The following ABLIM1 variants were observed in gnomAD, a reference collection of about 807,000 sequenced individuals.
ABLIM1 encodes actin binding LIM protein 1, also known as actin-binding LIM protein 1.
A neutral mutation model predicts 107.0 loss-of-function variants in ABLIM1; 40 were observed. The ratio of observed to expected loss-of-function variants is 0.37; its 90% CI spans 0.29 to 0.49. ABLIM1 has a LOEUF of 0.49. ABLIM1 is among the 20% of genes least tolerant of loss of function. The pLI is 0.97. For missense variants in ABLIM1, 857 were observed against 1,008.5 expected (o/e 0.85, Z 2.04); for synonymous variants, 357 against 357.3 (o/e 1.00, Z 0.01).
chr10:114,681,119 A>G (rs779163660), intron 1 of ABLIM1, among the ~76,000 whole-genome samples: 4 of 152,228 alleles, frequency 2.6e-5, no homozygotes, highest in Non-Finnish European at 4.4e-5. Context: ...ACATTTAGCT[A>G]GTCATACAAC....
chr10:114,512,855 AGAAG>A (rs869261400), intron 6 of ABLIM1, among the ~76,000 whole-genome samples: 350 of 51,220 alleles, frequency 6.8e-3, no homozygotes, highest in Middle Eastern at 0.018. Flanking sequence ...AAGGAAGGAA[AGAAG>A]GAAGGAAGGA....
intron 1 of ABLIM1, among the ~76,000 whole-genome samples, chr10:114,691,817 C>G (rs1295641044): frequency 6.6e-6 from 1 of 151,848 alleles, no homozygotes; most frequent in Non-Finnish European, 1.5e-5. Context: ...CAAAATATTC[C>G]ACACATAGCT....
intron 6 of ABLIM1, among the ~76,000 whole-genome samples, chr10:114,520,877 T>C (rs1276213408): frequency 6.6e-6 from 1 of 152,042 alleles, no homozygotes; most frequent in African/African-American, 2.4e-5. Flanking sequence ...CTCAGGAGAC[T>C]GAGGCAGGGA....
the ABLIM1 span, among the ~76,000 whole-genome samples, chr10:114,788,270 A>G: frequency 1.4e-5 from 2 of 146,918 alleles, no homozygotes; most frequent in Non-Finnish European, 3.0e-5. Context: ...TCCCTCCACT[A>G]TTGTCCTGTG....
At chr10:114,608,396 G>A (rs2076570585) in intron 1 of ABLIM1, among the ~76,000 whole-genome samples, 1 of 151,770 alleles carries the variant, frequency 6.6e-6, no homozygotes, top group African/African-American at 2.4e-5. Context: ...ATGGCCGGGG[G>A]CAGTGGCTCA....
rs1480217205 is a variant in ABLIM1, at chr10:114,465,737, G to T, written c.1402C>A (p.Pro468Thr). 1 of 1,614,160 alleles carries T rather than the reference G, an allele frequency of 6.2e-7. No homozygotes were observed. The highest frequency in any genetic ancestry group is 2.2e-5 in the East Asian group (1 of 44,880). ...SPVYSRHSYT[P>T]TTSRSPQHFH... ...TGCTGGGGAGAGCGGGACGTGGTTG[G>T]AGTGTAGCTGTGGCGGCTGTACACA... Residue 468 changes from proline (P) to threonine (T), a missense_variant, in exon 12 of 23, where the codon CCA becomes ACA. Around this residue, in one of 5 missense-constraint regions of ABLIM1, gnomAD observed 381 missense variants for 506.9 expected, o/e 0.75. Coordinates refer to ENST00000533213, the MANE Select transcript of ABLIM1 (RefSeq NM_002313.7).
chr10:114,771,302 C>G (rs1336864290), upstream of ABLIM1, among the ~76,000 whole-genome samples: 5 of 152,138 alleles, frequency 3.3e-5, no homozygotes, highest in African/African-American at 1.2e-4. Context: ...AAAATTCACT[C>G]CTAGATGTAA....
intron 1 of ABLIM1, among the ~76,000 whole-genome samples, chr10:114,712,043 A>G (rs2081560396): frequency 6.6e-6 from 1 of 152,110 alleles, no homozygotes; most frequent in African/African-American, 2.4e-5. Flanking sequence ...GTGACAGGGA[A>G]AAGATTTTCA....
intron 1 of ABLIM1, among the ~76,000 whole-genome samples, chr10:114,656,546 G>A (rs748244998): frequency 2.0e-5 from 3 of 151,976 alleles, no homozygotes; most frequent in Non-Finnish European, 4.4e-5. Context: ...TGTGTGAGGT[G>A]AGCCACCCTC....
At chr10:114,574,773 C>T (rs1255636527) in intron 3 of ABLIM1, among the ~76,000 whole-genome samples, 1 of 152,134 alleles carries the variant, frequency 6.6e-6, no homozygotes, top group Non-Finnish European at 1.5e-5. Flanking sequence ...CTGGTTTGCA[C>T]AGTTAAGATA....
At chr10:114,616,146 G>T (rs2077118126) in intron 1 of ABLIM1, among the ~76,000 whole-genome samples, 1 of 152,028 alleles carries the variant, frequency 6.6e-6, no homozygotes, top group African/African-American at 2.4e-5. Context: ...CAGCTTGGGA[G>T]ACATAGCAAG....
At chr10:114,622,141 A>G (rs1395882394) in intron 1 of ABLIM1, among the ~76,000 whole-genome samples, 1 of 151,882 alleles carries the variant, frequency 6.6e-6, no homozygotes, top group Non-Finnish European at 1.5e-5. Flanking sequence ...CATAGCCCCT[A>G]TCATTTTTCC....
At chr10:114,760,455 G>A (rs1191945350) in intron 1 of ABLIM1, among the ~76,000 whole-genome samples, 1 of 135,348 alleles carries the variant, frequency 7.4e-6, no homozygotes, top group African/African-American at 2.8e-5. Flanking sequence ...CACACACACT[G>A]ACTTAGTGCT....
the ABLIM1 span, among the ~76,000 whole-genome samples, chr10:114,795,710 A>T: frequency 1.5e-5 from 2 of 131,796 alleles, no homozygotes; most frequent in African/African-American, 5.4e-5. Flanking sequence ...ACTCCATCTC[A>T]AAAAAAAAAA....
At chr10:114,445,249 C>A in intron 16 of ABLIM1, 63 bp downstream of exon 16, 1 of 1,466,766 alleles carries the variant, frequency 6.8e-7, no homozygotes, top group Non-Finnish European at 9.5e-7. Context: ...AGTAGTCATT[C>A]AAAAAATATA....
intron 4 of ABLIM1, among the ~76,000 whole-genome samples, chr10:114,565,908 CCTCAGCCTCCTGA>C (rs2138539158): frequency 6.7e-6 from 1 of 148,304 alleles, no homozygotes; most frequent in African/African-American, 2.5e-5. Flanking sequence ...CATCCTCCTG[CCTCAGCCTCCTGA>C]GTAGCTGGGA....
intron 12 of ABLIM1, among the ~76,000 whole-genome samples, chr10:114,461,263 C>A (rs1008623704): frequency 1.3e-5 from 2 of 151,478 alleles, no homozygotes; most frequent in Non-Finnish European, 1.5e-5. Flanking sequence ...GATGGGGTTT[C>A]GCCATGTTGC....
the ABLIM1 span, among the ~76,000 whole-genome samples, chr10:114,786,832 T>G: frequency 6.6e-6 from 1 of 152,178 alleles, no homozygotes; most frequent in African/African-American, 2.4e-5. Context: ...AGTGGCGTGA[T>G]CTCGGCTCGC....
At chr10:114,527,767 C>A (rs1000452009) in intron 6 of ABLIM1, among the ~76,000 whole-genome samples, 3 of 149,676 alleles carry the variant, frequency 2.0e-5, no homozygotes, top group Non-Finnish European at 4.4e-5. Context: ...TGGGTCCAAG[C>A]GATTGTCCCA....
Sources: allele counts gnomAD v4.1 joint callset (sites outside exome capture counted in the v4.1 genomes callset), GRCh38; gene constraint gnomAD v4.1.1; regional missense constraint gnomAD v4.1.1; transcripts MANE v1.5; gene names NCBI Gene and HGNC (gene_info 2026-07-23, HGNC 2026-07-21).